Variants in PDE1C observed in about 807,000 individuals in gnomAD.
The protein encoded by PDE1C is phosphodiesterase 1C, also known as dual specificity calcium/calmodulin-dependent 3',5'-cyclic nucleotide phosphodiesterase 1C.
Under a neutral mutation model 93.1 loss-of-function variants are expected in PDE1C, and 62 were observed. That is an observed-to-expected ratio of 0.67 (90% CI 0.54 to 0.82). The LOEUF (loss-of-function observed/expected upper bound fraction) is 0.82, where lower values mean the gene tolerates loss of function less well. Ranked by LOEUF, PDE1C falls within the 40% of genes least tolerant of loss-of-function variation. PDE1C has a pLI of 0.00. For missense variants in PDE1C, 742 were observed against 884.6 expected, an observed-to-expected ratio of 0.84 and a Z score of 2.04; for synonymous variants, 325 against 310.1, an observed-to-expected ratio of 1.05 and a Z score of -0.50.
At chr7:32,143,811 A>T (rs1800670387) in intron 3 of PDE1C, among the ~76,000 whole-genome samples, 1 of 152,194 alleles carries the variant, frequency 6.6e-6, no homozygotes, top group Non-Finnish European at 1.5e-5. Flanking sequence ...AGTATTACAG[A>T]CATAAATTAA....
intron 1 of PDE1C, among the ~76,000 whole-genome samples, chr7:32,298,194 G>T (rs13312286): frequency 0.071 from 10,807 of 151,638 alleles, 485 homozygotes; most frequent in East Asian, 0.13. Flanking sequence ...GGGCCTAGGT[G>T]TTTCTATCAG....
chr7:32,174,375 T>C (rs1019448372), intron 2 of PDE1C, among the ~76,000 whole-genome samples: 1 of 152,074 alleles, frequency 6.6e-6, no homozygotes, highest in African/African-American at 2.4e-5. Context: ...AAACTGGCAA[T>C]GCACCATAAC....
the PDE1C span, among the ~76,000 whole-genome samples, chr7:31,682,393 A>T: frequency 7.0e-4 from 107 of 152,352 alleles, no homozygotes; most frequent in Non-Finnish European, 9.6e-4. Context: ...ATCATTAGCC[A>T]TCAAAAAATG....
chr7:31,886,819 C>T (rs1797962418), intron 2 of PDE1C, among the ~76,000 whole-genome samples: 5 of 126,090 alleles, frequency 4.0e-5, no homozygotes, highest in South Asian at 2.5e-4. Context: ...TAGATCTTTT[C>T]GGATCTTTTC....
intron 2 of PDE1C, among the ~76,000 whole-genome samples, chr7:31,975,529 C>G (rs1375984292): frequency 2.0e-5 from 3 of 152,114 alleles, no homozygotes; most frequent in Non-Finnish European, 4.4e-5. Context: ...GCTTTATAAC[C>G]AGTCTCCTTA....
At chr7:31,618,665 T>C in the PDE1C span, among the ~76,000 whole-genome samples, 4 of 140,312 alleles carry the variant, frequency 2.9e-5, no homozygotes, top group African/African-American at 1.3e-4. Context: ...ATAATTATAG[T>C]TGAGTATTAG....
chr7:31,969,310 C>T (rs955508672), intron 2 of PDE1C, among the ~76,000 whole-genome samples: 3 of 152,080 alleles, frequency 2.0e-5, no homozygotes, highest in Non-Finnish European at 2.9e-5. Flanking sequence ...AAACAAACAA[C>T]CCTATCAAAA....
chr7:31,964,440 G>A (rs1392267257), intron 2 of PDE1C, among the ~76,000 whole-genome samples: 2 of 152,206 alleles, frequency 1.3e-5, no homozygotes, highest in African/African-American at 2.4e-5. Context: ...GGCTTGAGTA[G>A]GTAAACAAAG....
At chr7:32,225,788 G>A (rs920566463) in intron 1 of PDE1C, among the ~76,000 whole-genome samples, 2 of 152,180 alleles carry the variant, frequency 1.3e-5, no homozygotes, top group South Asian at 2.1e-4. Context: ...GGCCGGGCAC[G>A]GTGGTTCACA....
chr7:31,824,642 G>T (rs1344769638), intron 13 of PDE1C, among the ~76,000 whole-genome samples: 6 of 152,134 alleles, frequency 3.9e-5, no homozygotes, highest in African/African-American at 1.4e-4. Flanking sequence ...CCAGGTGCCT[G>T]CTGGTCACGA....
chr7:31,978,288 CA>C (rs1472977886), intron 2 of PDE1C, among the ~76,000 whole-genome samples: 1 of 152,144 alleles, frequency 6.6e-6, no homozygotes, highest in Non-Finnish European at 1.5e-5. Flanking sequence ...CTGAGTCTCA[CA>C]AAATTATAAT....
chr7:32,256,768 C>T (rs558364430), intron 1 of PDE1C, among the ~76,000 whole-genome samples: 2 of 152,350 alleles, frequency 1.3e-5, no homozygotes, highest in South Asian at 4.1e-4. Context: ...GAGGCAATAA[C>T]ATCTATTCTA....
At chr7:31,955,380 G>T (rs1412937030) in intron 2 of PDE1C, among the ~76,000 whole-genome samples, 1 of 152,102 alleles carries the variant, frequency 6.6e-6, no homozygotes, top group Non-Finnish European at 1.5e-5. Flanking sequence ...GGCAGATAGG[G>T]AAATAAGGTT....
the PDE1C span, among the ~76,000 whole-genome samples, chr7:31,636,981 C>T: frequency 6.8e-5 from 10 of 147,306 alleles, no homozygotes; most frequent in East Asian, 4.1e-4. Flanking sequence ...TGAGAACATG[C>T]GGTGTTTGGT....
the PDE1C span, among the ~76,000 whole-genome samples, chr7:31,717,147 G>T: frequency 6.6e-6 from 1 of 152,146 alleles, no homozygotes; most frequent in Non-Finnish European, 1.5e-5. Flanking sequence ...CTCTTGATTA[G>T]TTTTTGCAAA....
At chr7:31,739,404 C>T in the PDE1C span, among the ~76,000 whole-genome samples, 5 of 152,112 alleles carry the variant, frequency 3.3e-5, no homozygotes, top group Non-Finnish European at 7.4e-5. Context: ...AGGGAATGCC[C>T]TTGTTTTATA....
intron 3 of PDE1C, among the ~76,000 whole-genome samples, chr7:32,153,285 G>T (rs1801371823): frequency 1.3e-5 from 2 of 152,174 alleles, no homozygotes; most frequent in African/African-American, 2.4e-5. Flanking sequence ...CGTGGGGTGG[G>T]AAAGCTCATT....
chr7:32,059,307 T>C (rs1034602911), intron 1 of PDE1C, among the ~76,000 whole-genome samples: 3 of 152,222 alleles, frequency 2.0e-5, no homozygotes, highest in Non-Finnish European at 4.4e-5. Flanking sequence ...GTCAATTTTT[T>C]ACTCTTTCTT....
intron 1 of PDE1C, among the ~76,000 whole-genome samples, chr7:32,390,783 G>A (rs1402396665): frequency 6.6e-6 from 1 of 152,054 alleles, no homozygotes; most frequent in African/African-American, 2.4e-5. Context: ...AGCCTGGGAG[G>A]TCGAGACTGT....
Sources: gnomAD v4.1 joint callset for allele counts (sites outside exome capture counted in the v4.1 genomes callset) on GRCh38, gnomAD v4.1.1 for gene constraint, MANE v1.5 for transcripts, NCBI Gene and HGNC (gene_info 2026-07-23, HGNC 2026-07-21) for gene names.